Variants in PAK5 observed in about 807,000 individuals in gnomAD.
PAK5 encodes the protein serine/threonine-protein kinase PAK 5.
In PAK5, 16 loss-of-function variants were observed where a neutral mutation model predicts 65.9. The ratio of observed to expected loss-of-function variants is 0.24; its 90% CI spans 0.16 to 0.37. PAK5 has a LOEUF of 0.37. Ranked by LOEUF, PAK5 falls within the 10% of genes least tolerant of loss-of-function variation. PAK5 has a pLI of 1.00. For missense variants in PAK5, 785 were observed against 903.9 expected, an observed-to-expected ratio of 0.87 and a Z score of 1.69; for synonymous variants, 371 against 354.9, an observed-to-expected ratio of 1.05 and a Z score of -0.51.
At chr20:9,630,048 G>A (rs1363612636) in intron 3 of PAK5, among the ~76,000 whole-genome samples, 2 of 152,156 alleles carry the variant, frequency 1.3e-5, no homozygotes, top group African/African-American at 4.8e-5. Flanking sequence ...ATACTTGGCT[G>A]TATAAAGATT....
At chr20:9,581,494 G>A (rs1052301508) in intron 3 of PAK5, among the ~76,000 whole-genome samples, 19 of 152,146 alleles carry the variant, frequency 1.2e-4, no homozygotes, top group Non-Finnish European at 2.5e-4. Context: ...GGATGAGGCA[G>A]GCACTTCCTG....
chr20:9,560,531 T>C (rs1410809649), intron 6 of PAK5, among the ~76,000 whole-genome samples: 1 of 152,112 alleles, frequency 6.6e-6, no homozygotes, highest in African/African-American at 2.4e-5. Flanking sequence ...AGCTAATTTT[T>C]AAATTTTTTT....
intron 1 of PAK5, among the ~76,000 whole-genome samples, chr20:9,754,101 T>C (rs1294540548): frequency 6.6e-6 from 1 of 152,130 alleles, no homozygotes; most frequent in African/African-American, 2.4e-5. Context: ...TTCCAGAAAG[T>C]TTCATTTTGC....
chr20:9,586,069 G>A (rs1227924170), intron 3 of PAK5, among the ~76,000 whole-genome samples: 1 of 152,092 alleles, frequency 6.6e-6, no homozygotes, highest in African/African-American at 2.4e-5. Context: ...CCATCTTTGG[G>A]GTCAGGATGG....
At chr20:9,813,915 T>G (rs889300365) in intron 1 of PAK5, among the ~76,000 whole-genome samples, 1 of 152,178 alleles carries the variant, frequency 6.6e-6, no homozygotes, top group African/African-American at 2.4e-5. Flanking sequence ...TGTCCTTTTT[T>G]GTGTATATGT....
intron 1 of PAK5, among the ~76,000 whole-genome samples, chr20:9,740,970 C>T (rs1005005582): frequency 2.6e-5 from 4 of 152,178 alleles, no homozygotes; most frequent in African/African-American, 9.6e-5. Context: ...GCAACTGAAC[C>T]AACACAAAGT....
chr20:9,630,039 T>A (rs1401609293), intron 3 of PAK5, among the ~76,000 whole-genome samples: 1 of 152,206 alleles, frequency 6.6e-6, no homozygotes, highest in African/African-American at 2.4e-5. Flanking sequence ...TTGAAAGTGA[T>A]ACTTGGCTGT....
At chr20:9,645,369 G>T (rs192022140) in intron 2 of PAK5, among the ~76,000 whole-genome samples, 88 of 152,312 alleles carry the variant, frequency 5.8e-4, no homozygotes, top group Non-Finnish European at 1.1e-3. Flanking sequence ...ACCTGGGTTT[G>T]CATCCCAGCT....
intron 7 of PAK5, among the ~76,000 whole-genome samples, chr20:9,546,499 C>T (rs1049370842): frequency 4.6e-5 from 7 of 152,086 alleles, no homozygotes; most frequent in African/African-American, 1.7e-4. Context: ...ATGAGAAGGT[C>T]CTTGGGATAT....
rs963384656 is a variant in PAK5, at chr20:9,779,296, G to A, written c.-162+59466C>T. Among the ~76,000 whole-genome samples the A allele has an allele frequency of 4.0e-5, 6 of 151,598 alleles. No homozygotes were observed. The East Asian group carries it at 5.8e-4, about 15-fold the overall frequency. ...GGAACAGAACTGGGTAGGCCTGGGA[G>A]AAAGCTGTGCATGGCTCTTCATGAA... On this transcript the variant is annotated intron_variant, in intron 1 of 9. Coordinates refer to ENST00000353224, the MANE Select transcript of PAK5 (RefSeq NM_177990.4).
chr20:9,790,350 G>C (rs1322882508), intron 1 of PAK5, among the ~76,000 whole-genome samples: 2 of 151,978 alleles, frequency 1.3e-5, no homozygotes, highest in Non-Finnish European at 2.9e-5. Flanking sequence ...CCCCAGAAAA[G>C]TTAAATTTTG....
chr20:9,672,276 C>T (rs1221826341), intron 2 of PAK5, among the ~76,000 whole-genome samples: 1 of 150,168 alleles, frequency 6.7e-6, no homozygotes, highest in Non-Finnish European at 1.5e-5. Flanking sequence ...TTAATGAATG[C>T]CTGATATATT....
chr20:9,752,035 T>G (rs1231723667), intron 1 of PAK5, among the ~76,000 whole-genome samples: 1 of 152,150 alleles, frequency 6.6e-6, no homozygotes, highest in East Asian at 1.9e-4. Flanking sequence ...TGGAAGAGAT[T>G]GGCAATAACG....
intron 7 of PAK5, among the ~76,000 whole-genome samples, chr20:9,545,372 G>A (rs968385385): frequency 4.6e-5 from 7 of 152,304 alleles, no homozygotes; most frequent in Admixed American, 3.9e-4. Flanking sequence ...TAGTCATGAT[G>A]ACCTGGTCTG....
chr20:9,682,013 C>T (rs529508516), intron 2 of PAK5, among the ~76,000 whole-genome samples: 3 of 152,220 alleles, frequency 2.0e-5, no homozygotes, highest in Admixed American at 6.5e-5. Flanking sequence ...CCACCTACAA[C>T]GAGAAAAGTT....
At chr20:9,556,203 A>G (rs570788116) in intron 7 of PAK5, among the ~76,000 whole-genome samples, 6 of 152,374 alleles carry the variant, frequency 3.9e-5, no homozygotes, top group Middle Eastern at 3.4e-3. Context: ...AAAGCAATGC[A>G]AAAAGCAGGA....
chr20:9,749,011 T>C (rs1299211886), intron 1 of PAK5, among the ~76,000 whole-genome samples: 1 of 151,880 alleles, frequency 6.6e-6, no homozygotes, highest in African/African-American at 2.4e-5. Flanking sequence ...TTACCGCAGG[T>C]TAGTTTGGTT....
chr20:9,688,276 A>G (rs2047747154), intron 2 of PAK5, among the ~76,000 whole-genome samples: 1 of 152,060 alleles, frequency 6.6e-6, no homozygotes, highest in African/African-American at 2.4e-5. Context: ...TCTTGCTTCA[A>G]ACAAATTCTA....
chr20:9,609,813 T>A (rs2046524992), intron 3 of PAK5, among the ~76,000 whole-genome samples: 1 of 152,194 alleles, frequency 6.6e-6, no homozygotes, highest in African/African-American at 2.4e-5. Context: ...TCTTCCTGTT[T>A]AAAATTCAAA....
Sources: gnomAD v4.1 joint callset for allele counts (sites outside exome capture counted in the v4.1 genomes callset) on GRCh38, gnomAD v4.1.1 for gene constraint, MANE v1.5 for transcripts, NCBI Gene and HGNC (gene_info 2026-07-23, HGNC 2026-07-21) for gene names.